BTG4: variants seen among roughly 807,000 people sequenced by gnomAD.
BTG4 encodes protein BTG4.
A neutral mutation model predicts 19.3 loss-of-function variants in BTG4; 10 were observed. That is an observed-to-expected ratio of 0.52 (90% confidence interval 0.32 to 0.88). The LOEUF (loss-of-function observed/expected upper bound fraction) is 0.88. Among genes scored for constraint, BTG4 ranks in the 40% least tolerant of loss-of-function variants. The pLI is 0.04. For missense variants in BTG4, 238 were observed against 281.9 expected (o/e 0.84, Z 1.11); for synonymous variants, 91 against 95.7 (o/e 0.95, Z 0.29).
upstream of BTG4, chr11:111,512,813 G>A (rs1367661936): frequency 1.3e-5 from 4 of 309,458 alleles, no homozygotes; most frequent in African/African-American, 2.3e-5. Flanking sequence ...GGGCCCGGGG[G>A]TGTCCTCGGG....
At chr11:111,471,586 C>T (rs912716876) in intron 5 of BTG4, among the ~76,000 whole-genome samples, 13 of 152,094 alleles carry the variant, frequency 8.5e-5, no homozygotes, top group South Asian at 2.1e-4. Context: ...CTCTTTTCTC[C>T]GGCCTCTTAA....
At chr11:111,476,139 C>CACAT (rs1299890877) in intron 5 of BTG4, among the ~76,000 whole-genome samples, 1 of 151,258 alleles carries the variant, frequency 6.6e-6, no homozygotes, top group Non-Finnish European at 1.5e-5. Flanking sequence ...AATAGATACA[C>CACAT]ACACACACAC....
Position 111,503,400 on chromosome 11 carries a change from C to A in BTG4, c.-26-4598G>T, listed in dbSNP as rs751620552. On this transcript the variant is annotated intron_variant, in intron 1 of 4. Coordinates refer to ENST00000692032, the MANE Select transcript of BTG4 (RefSeq NM_001367975.1). ...CAACCTGGTCTGGCCTAAGCCAATC[C>A]CAGAGCTAAGTAGAAGAGAAAATTA... Among the ~76,000 whole-genome samples the A allele has an allele frequency of 6.6e-4, 100 of 152,174 alleles. 1 individual carries two copies. Among genetic ancestry groups the A allele is most frequent in the Non-Finnish European group, 1.2e-3 (85 of 68,016 alleles).
the BTG4 span, among the ~76,000 whole-genome samples, chr11:111,408,153 G>A: frequency 6.6e-6 from 1 of 152,242 alleles, no homozygotes; most frequent in African/African-American, 2.4e-5. Context: ...AAGTCCCAGA[G>A]GACAGGTGGA....
chr11:111,391,387 G>T, the BTG4 span, among the ~76,000 whole-genome samples: 1 of 152,208 alleles, frequency 6.6e-6, no homozygotes, highest in Admixed American at 6.5e-5. Context: ...GGTTTATCTA[G>T]GAGAAATGTC....
chr11:111,430,364 C>T, the BTG4 span, among the ~76,000 whole-genome samples: 1 of 152,320 alleles, frequency 6.6e-6, no homozygotes, highest in East Asian at 1.9e-4. Context: ...CCTTGACTAG[C>T]CTTCCACTGA....
At chr11:111,470,233 A>G (rs892758503) in intron 5 of BTG4, among the ~76,000 whole-genome samples, 12 of 152,068 alleles carry the variant, frequency 7.9e-5, no homozygotes, top group Non-Finnish European at 1.8e-4. Context: ...ACAGGTGCAC[A>G]CCACCATCCC....
At chr11:111,385,718 G>A in the BTG4 span, 1 of 152,098 alleles carries the variant, frequency 6.6e-6, no homozygotes, top group Non-Finnish European at 1.5e-5. Flanking sequence ...CTAAACATTT[G>A]ATAAAGTCCA....
At chr11:111,467,864 C>A (rs1259274849) in intron 5 of BTG4, among the ~76,000 whole-genome samples, 1 of 152,200 alleles carries the variant, frequency 6.6e-6, no homozygotes, top group African/African-American at 2.4e-5. Context: ...CCCAGAGAAG[C>A]ATAATAGCTT....
At chr11:111,458,668 C>T in the BTG4 span, among the ~76,000 whole-genome samples, 78 of 152,144 alleles carry the variant, frequency 5.1e-4, no homozygotes, top group East Asian at 0.014. Flanking sequence ...CACGAATAAA[C>T]GCAAGAAAGG....
chr11:111,451,299 C>G, the BTG4 span: 55 of 400,534 alleles, frequency 1.4e-4, no homozygotes, highest in Non-Finnish European at 2.7e-4. Flanking sequence ...CTTCCGGGCC[C>G]TGGCTGAGGA....
chr11:111,454,956 C>G, the BTG4 span: 1 of 456,304 alleles, frequency 2.2e-6, no homozygotes, highest in Non-Finnish European at 4.4e-6. Context: ...TCCACCCTCT[C>G]TCACAGCTCA....
chr11:111,492,965 G>A (rs1238261553), downstream of BTG4, among the ~76,000 whole-genome samples: 1 of 152,176 alleles, frequency 6.6e-6, no homozygotes, highest in Non-Finnish European at 1.5e-5. Context: ...GGCCAACATG[G>A]TGAAATGCCG....
In BTG4 at chr11:111,478,358, C is replaced by T. The variant is rs535619962; in HGVS notation, c.663-10677G>A. On this transcript the variant is annotated intron_variant, in intron 5 of 5. Coordinates refer to the BTG4 transcript ENST00000356018. ...GGAAGTAGCAAAGCAGCACTCCCTT[C>T]TCTCCCCCACTGGAATAGGGTCAAA... is the stretch of plus-strand genomic sequence containing the variant. Among the ~76,000 whole-genome samples the T allele has an allele frequency of 9.9e-5, 15 of 152,240 alleles. No homozygotes were observed. In the South Asian group the frequency reaches 3.1e-3, roughly 32 times the overall value.
At chr11:111,446,576 T>A in the BTG4 span, among the ~76,000 whole-genome samples, 1 of 151,988 alleles carries the variant, frequency 6.6e-6, no homozygotes, top group East Asian at 1.9e-4. Context: ...ATTACACAGA[T>A]GCTAATCTTA....
the BTG4 span, among the ~76,000 whole-genome samples, chr11:111,420,580 G>A: frequency 3.9e-5 from 6 of 152,226 alleles, no homozygotes; most frequent in Non-Finnish European, 7.3e-5. Flanking sequence ...CACAGGAGCT[G>A]TATGTAGAGC....
At chr11:111,510,194 G>A (rs1866782177) in intron 1 of BTG4, among the ~76,000 whole-genome samples, 1 of 152,084 alleles carries the variant, frequency 6.6e-6, no homozygotes, top group Non-Finnish European at 1.5e-5. Context: ...ACAGGTGTGA[G>A]CCACAACCCC....
intron 3 of BTG4, 149 bp downstream of exon 3, chr11:111,497,849 A>T: frequency 1.1e-6 from 1 of 896,780 alleles, no homozygotes; most frequent in East Asian, 2.6e-5. Flanking sequence ...TGCATTGTCT[A>T]ACAGAAGTTT....
chr11:111,506,682 T>G (rs1244833673), intron 1 of BTG4, among the ~76,000 whole-genome samples: 2 of 152,156 alleles, frequency 1.3e-5, no homozygotes, highest in African/African-American at 4.8e-5. Context: ...TGTGCAACAC[T>G]CTATACTAAT....
Sources: allele counts gnomAD v4.1 joint callset (sites outside exome capture counted in the v4.1 genomes callset), GRCh38; gene constraint gnomAD v4.1.1; transcripts MANE v1.5; gene names NCBI Gene and HGNC (gene_info 2026-07-23, HGNC 2026-07-21).